The following DPP10 variants were observed in gnomAD, a reference collection of about 807,000 sequenced individuals.
DPP10 encodes the protein inactive dipeptidyl peptidase 10.
DPP10 carries 33 observed loss-of-function variants against 120.9 expected under a neutral mutation model. The observed-to-expected ratio is 0.27, with a 90% CI of 0.21 to 0.37. DPP10 has a LOEUF of 0.37. Among genes scored for constraint, DPP10 ranks in the 10% least tolerant of loss-of-function variants. DPP10 has a pLI of 1.00. For synonymous variants in DPP10, 337 were observed against 326.1 expected (o/e 1.03, Z -0.36); for missense variants, 816 against 942.8 (o/e 0.87, Z 1.76).
chr2:115,741,849 A>T (rs940910220), intron 9 of DPP10, among the ~76,000 whole-genome samples: 2 of 152,086 alleles, frequency 1.3e-5, no homozygotes, highest in African/African-American at 4.8e-5. Flanking sequence ...TAGGCCTCAT[A>T]ATTTTGACTA....
chr2:115,240,800 GAT>G lies in DPP10; in HGVS notation c.61-68437_61-68436del, dbSNP rs1574127917. Among the ~76,000 whole-genome samples, 11 of 152,270 alleles carry G rather than the reference GAT, an allele frequency of 7.2e-5. No homozygotes were observed. In the South Asian group the frequency reaches 2.3e-3, roughly 32 times the overall value. On this transcript the variant is annotated intron_variant, in intron 1 of 25. Coordinates refer to ENST00000410059, the MANE Select transcript of DPP10 (RefSeq NM_020868.6). ...CTCAATTTTCACAACAATCTTGTAA[GAT>G]AATTTTATTCTTTATAAGTCAAAAC...
chr2:115,611,705 A>T (rs1324439339), intron 5 of DPP10, among the ~76,000 whole-genome samples: 1 of 152,040 alleles, frequency 6.6e-6, no homozygotes, highest in Non-Finnish European at 1.5e-5. Flanking sequence ...ATGATGGGGG[A>T]GCAGTCCAGA....
chr2:115,059,542 A>G (rs1235017879), intron 1 of DPP10, among the ~76,000 whole-genome samples: 1 of 151,990 alleles, frequency 6.6e-6, no homozygotes, highest in Non-Finnish European at 1.5e-5. Flanking sequence ...TATTTCTCCA[A>G]CCATGACAAC....
chr2:114,654,698 T>A (rs916971922), intron 1 of DPP10, among the ~76,000 whole-genome samples: 1 of 152,200 alleles, frequency 6.6e-6, no homozygotes, highest in African/African-American at 2.4e-5. Flanking sequence ...GGGCCTTTAT[T>A]GCTGCATTGT....
At chr2:115,176,058 A>T (rs1171535516) in intron 1 of DPP10, among the ~76,000 whole-genome samples, 1 of 152,112 alleles carries the variant, frequency 6.6e-6, no homozygotes, top group Non-Finnish European at 1.5e-5. Context: ...AAAAGCAAGG[A>T]TTCTCTAATC....
intron 5 of DPP10, among the ~76,000 whole-genome samples, chr2:115,543,982 A>G (rs573900301): frequency 3.9e-5 from 6 of 152,068 alleles, no homozygotes; most frequent in African/African-American, 1.2e-4. Context: ...CAAAAAATTA[A>G]TTACCTTAAC....
At chr2:115,818,680 A>T (rs1038573468) in intron 21 of DPP10, among the ~76,000 whole-genome samples, 3 of 152,210 alleles carry the variant, frequency 2.0e-5, no homozygotes, top group Non-Finnish European at 4.4e-5. Context: ...TAAGAATGAG[A>T]GGAAGACTGG....
At chr2:115,012,137 C>T (rs966700049) in intron 1 of DPP10, among the ~76,000 whole-genome samples, 5 of 152,028 alleles carry the variant, frequency 3.3e-5, no homozygotes, top group East Asian at 3.9e-4. Context: ...AAGCAAGCCC[C>T]GCCCAAGGAG....
intron 1 of DPP10, among the ~76,000 whole-genome samples, chr2:115,047,482 G>A (rs1378760746): frequency 1.3e-5 from 2 of 151,566 alleles, no homozygotes; most frequent in African/African-American, 2.4e-5. Flanking sequence ...ATATTTTCAT[G>A]AGTAAAAATT....
chr2:114,562,835 A>G lies in DPP10; in HGVS notation c.60+119997A>G, dbSNP rs1411923723. On this transcript the variant is annotated intron_variant, in intron 1 of 25. Transcript: ENST00000410059. ...TATGTAACCTTTCCAAATTGAGTTG[A>G]TTTAATGTGAAGGGAAAAAATGTTA... is the stretch of plus-strand genomic sequence containing the variant. Among the ~76,000 whole-genome samples, 3 of 152,220 alleles carry G rather than the reference A, an allele frequency of 2.0e-5. No individual in the cohort carries two copies. In the East Asian group the frequency reaches 5.8e-4, roughly 29 times the overall value.
chr2:114,648,505 C>G (rs1418780765), intron 1 of DPP10, among the ~76,000 whole-genome samples: 1 of 152,150 alleles, frequency 6.6e-6, no homozygotes, highest in African/African-American at 2.4e-5. Flanking sequence ...CTAAATTACC[C>G]ACTAAATGTG....
At chr2:114,869,740 A>T (rs1287168659) in intron 1 of DPP10, among the ~76,000 whole-genome samples, 1 of 152,180 alleles carries the variant, frequency 6.6e-6, no homozygotes, top group Non-Finnish European at 1.5e-5. Flanking sequence ...TACAAGTGAG[A>T]AAAGGGGAAG....
At chr2:114,711,575 T>A (rs1208615707) in intron 1 of DPP10, among the ~76,000 whole-genome samples, 1 of 152,214 alleles carries the variant, frequency 6.6e-6, no homozygotes, top group Non-Finnish European at 1.5e-5. Context: ...TGAGGCCATG[T>A]CTGCAAAATG....
intron 5 of DPP10, among the ~76,000 whole-genome samples, chr2:115,590,953 G>C (rs1283116221): frequency 6.6e-6 from 1 of 152,198 alleles, no homozygotes; most frequent in Non-Finnish European, 1.5e-5. Flanking sequence ...TCTGTTGGCT[G>C]CATAAATGTC....
At chr2:115,781,122 A>G (rs1682714849) in intron 16 of DPP10, 127 bp downstream of exon 16, 1 of 644,216 alleles carries the variant, frequency 1.6e-6, no homozygotes. Context: ...TGTTAATAGG[A>G]TATACATTAT....
intron 1 of DPP10, among the ~76,000 whole-genome samples, chr2:115,085,201 C>A (rs1708592568): frequency 6.6e-6 from 1 of 152,208 alleles, no homozygotes; most frequent in Admixed American, 6.5e-5. Flanking sequence ...TGAATTTGAA[C>A]CAACAAATAG....
At chr2:115,572,302 G>C (rs1040783695) in intron 5 of DPP10, among the ~76,000 whole-genome samples, 1 of 151,536 alleles carries the variant, frequency 6.6e-6, no homozygotes, top group African/African-American at 2.4e-5. Context: ...CTAAACTTAC[G>C]TCTTTTTTTC....
intron 8 of DPP10, among the ~76,000 whole-genome samples, chr2:115,735,596 C>G (rs531423355): frequency 3.6e-4 from 55 of 151,438 alleles, no homozygotes; most frequent in African/African-American, 1.3e-3. Flanking sequence ...TCCCGGCTCA[C>G]TGCAAACTCC....
chr2:115,837,083 A>G (rs1343380080), intron 24 of DPP10, among the ~76,000 whole-genome samples: 5 of 152,166 alleles, frequency 3.3e-5, no homozygotes, highest in Admixed American at 3.3e-4. Context: ...TTTTAATTTA[A>G]AAAGGCACTT....
Sources: gnomAD v4.1 joint callset for allele counts (sites outside exome capture counted in the v4.1 genomes callset) on GRCh38, gnomAD v4.1.1 for gene constraint, MANE v1.5 for transcripts, NCBI Gene and HGNC (gene_info 2026-07-23, HGNC 2026-07-21) for gene names.